The following TM9SF3 variants were observed in gnomAD, a reference collection of about 807,000 sequenced individuals.
The protein encoded by TM9SF3 is SM-11044-binding protein.
TM9SF3 carries 14 observed loss-of-function variants against 78.6 expected under a neutral mutation model. The ratio of observed to expected loss-of-function variants is 0.18; its 90% CI spans 0.12 to 0.28. The LOEUF is 0.28. TM9SF3 is among the 10% of genes least tolerant of loss of function. TM9SF3 has a pLI of 1.00. For synonymous variants in TM9SF3, 231 were observed against 241.7 expected (o/e 0.96, Z 0.41); for missense variants, 496 against 721.9 (o/e 0.69, Z 3.59).
At chr10:96,579,545 A>C (rs1006037824) in intron 1 of TM9SF3, among the ~76,000 whole-genome samples, 20 of 152,328 alleles carry the variant, frequency 1.3e-4, no homozygotes, top group Non-Finnish European at 1.8e-4. Flanking sequence ...TTCCGAAGTT[A>C]CTCATTTTAA....
At chr10:96,561,948 C>T (rs1207793995) in intron 4 of TM9SF3, 30 bp downstream of exon 4, 1 of 1,577,426 alleles carries the variant, frequency 6.3e-7, no homozygotes, top group Non-Finnish European at 8.6e-7. Flanking sequence ...ACAAACACTA[C>T]TTCCTACATT....
intron 2 of TM9SF3, among the ~76,000 whole-genome samples, chr10:96,566,706 CA>C (rs1045744579): frequency 6.6e-6 from 1 of 151,772 alleles, no homozygotes; most frequent in Admixed American, 6.6e-5. Flanking sequence ...CAAACAACAA[CA>C]AAAAAAACCC....
chr10:96,527,482 A>G lies in TM9SF3; in HGVS notation c.1556T>C (p.Phe519Ser). ...GATTGCAGTTGATGCAGCAGAGAGA[A>G]AACTTGTCCATTGCCTGGTGGGGGG... The part of the protein sequence containing the change: ...AEDYRWQWTS[F>S]LSAASTAIYV... Residue 519 changes from phenylalanine (F) to serine (S), a missense_variant, in exon 13 of 15, where the codon TTT becomes TCT. Physicochemically the swap from Phe to Ser is radical, Grantham distance 155 (BLOSUM62 -2). Transcript: ENST00000371142. 1 of 1,610,070 alleles carries G rather than the reference A, an allele frequency of 6.2e-7. No homozygotes were observed. The highest frequency in any genetic ancestry group is 1.3e-5 in the African/African-American group (1 of 74,896).
intron 2 of TM9SF3, among the ~76,000 whole-genome samples, chr10:96,571,278 T>A (rs1848434269): frequency 6.6e-6 from 1 of 152,074 alleles, no homozygotes; most frequent in Admixed American, 6.6e-5. Flanking sequence ...TGTACATAAA[T>A]GGGTTAGATG....
chr10:96,518,861 T>C lies in TM9SF3; in HGVS notation c.*3402A>G, dbSNP rs1339223307. 2 of 150,934 alleles carry C rather than the reference T, an allele frequency of 1.3e-5. No individual in the cohort carries two copies. The highest frequency in any genetic ancestry group is 3.0e-5 in the Non-Finnish European group (2 of 67,590). 9.3% of individuals were successfully genotyped at this position (150,934 alleles called of 1,614,324 possible). ...ACACCTTGATTGATAGTTTCATAAC[T>C]ATAGAATTTTAGTGAAGATATAAAA... On this transcript the variant is annotated 3_prime_UTR_variant, in exon 15 of 15. Coordinates refer to ENST00000371142, the MANE Select transcript of TM9SF3 (RefSeq NM_020123.4).
At position 96,576,818 on chromosome 10, in the gene TM9SF3, T is replaced by C; in HGVS notation, c.114A>G (p.Lys38=). 6.6e-7 allele frequency: 1 copy of C among 1,509,394 alleles called. No individual in the cohort carries two copies. Among genetic ancestry groups the C allele is most frequent in the Non-Finnish European group, 8.8e-7 (1 of 1,133,618 alleles). 93.5% of individuals were successfully genotyped at this position (1,509,394 alleles called of 1,614,324 possible). A position where few individuals can be genotyped will look rare whatever the true frequency, so the allele number is the denominator to read the frequency against. The part of the protein sequence containing the change: ...ADEHEHTYQD[K]EEVVLWMNTV... The stretch of plus-strand genomic sequence containing the variant: ...TATTCATCCATAAGACAACTTCCTC[T>C]TTATCTTGATACTGAAACAAGAAAA... Residue 38 remains lysine (K), a synonymous_variant, in exon 2 of 15, where the codon AAA becomes AAG. Transcript: ENST00000371142.
chr10:96,570,650 A>G (rs917522050), intron 2 of TM9SF3, among the ~76,000 whole-genome samples: 7 of 152,246 alleles, frequency 4.6e-5, no homozygotes, highest in African/African-American at 1.7e-4. Flanking sequence ...AACCACAAGT[A>G]TATTTCTTCT....
Position 96,559,848 on chromosome 10 carries a change from A to G in TM9SF3, c.583-112T>C. ...CACACACTTAGAATTAAAATTCACT[A>G]GAGAAATGGAGGAAAGTTACTTACA... On this transcript the variant is annotated intron_variant, in intron 4 of 14. Transcript: ENST00000371142. 4 of 589,470 alleles carry G rather than the reference A, an allele frequency of 6.8e-6. No homozygotes were observed. In the South Asian group the frequency reaches 1.1e-4, roughly 16 times the overall value. 36.5% of individuals were successfully genotyped at this position (589,470 alleles called of 1,614,324 possible).
intron 9 of TM9SF3, among the ~76,000 whole-genome samples, chr10:96,539,604 A>G (rs11188819): frequency 0.99 from 151,126 of 152,310 alleles, 74,986 homozygotes; most frequent in Middle Eastern, 1. Flanking sequence ...TTTATCTTGA[A>G]TGCGGTAATG....
At chr10:96,525,309 T>C (rs550899078) in intron 14 of TM9SF3, among the ~76,000 whole-genome samples, 1 of 152,100 alleles carries the variant, frequency 6.6e-6, no homozygotes, top group East Asian at 1.9e-4. Flanking sequence ...CCTCTCATCT[T>C]TCTCTCAAAG....
chr10:96,525,212 GA>G (rs963210487), intron 14 of TM9SF3, among the ~76,000 whole-genome samples: 8 of 151,958 alleles, frequency 5.3e-5, no homozygotes, highest in Non-Finnish European at 1.2e-4. Flanking sequence ...ATACTCTGAA[GA>G]AAGGATGGCA....
intron 2 of TM9SF3, among the ~76,000 whole-genome samples, chr10:96,567,414 C>T (rs1050411239): frequency 8.5e-5 from 13 of 152,128 alleles, no homozygotes; most frequent in African/African-American, 3.1e-4. Context: ...AAAGATTCCT[C>T]AGAGTCTGGA....
intron 9 of TM9SF3, among the ~76,000 whole-genome samples, chr10:96,533,753 TAGA>T (rs1381370022): frequency 6.6e-6 from 1 of 152,184 alleles, no homozygotes; most frequent in African/African-American, 2.4e-5. Flanking sequence ...GGAATCCTAA[TAGA>T]AGGAGATCGC....
At chr10:96,574,222 T>C (rs1848471609) in intron 2 of TM9SF3, among the ~76,000 whole-genome samples, 2 of 151,930 alleles carry the variant, frequency 1.3e-5, no homozygotes, top group Non-Finnish European at 2.9e-5. Flanking sequence ...TAAACAAATT[T>C]ACAAGAAAAA....
In TM9SF3 at chr10:96,565,457, A is replaced by G. The variant is rs201501315; in HGVS notation, c.299-31T>C. 1.4e-4 allele frequency: 217 copies of G among 1,521,158 alleles called. 1 individual carries two copies. In the Middle Eastern group the frequency reaches 3.1e-3, roughly 22 times the overall value. 94.2% of individuals were successfully genotyped at this position (1,521,158 alleles called of 1,614,324 possible). A position where few individuals can be genotyped will look rare whatever the true frequency, so the allele number is the denominator to read the frequency against. The stretch of plus-strand genomic sequence containing the variant: ...CAAAATAAAAATTGCAAATTAGCCC[A>G]CTAGTTTGCAAAATAGTTACATTAA... On this transcript the variant is annotated intron_variant, in intron 2 of 14. Coordinates refer to ENST00000371142, the MANE Select transcript of TM9SF3 (RefSeq NM_020123.4).
intron 1 of TM9SF3, among the ~76,000 whole-genome samples, chr10:96,578,232 A>G (rs1331408001): frequency 6.6e-6 from 1 of 152,238 alleles, no homozygotes; most frequent in Non-Finnish European, 1.5e-5. Flanking sequence ...GGAAATAACA[A>G]ATGATCTCAC....
chr10:96,562,778 A>T (rs1848324686), intron 3 of TM9SF3, among the ~76,000 whole-genome samples: 1 of 152,208 alleles, frequency 6.6e-6, no homozygotes, highest in Admixed American at 6.5e-5. Context: ...TGGAAAAAAA[A>T]GATCCACAAT....
chr10:96,569,922 C>T (rs1211031623), intron 2 of TM9SF3, among the ~76,000 whole-genome samples: 1 of 152,170 alleles, frequency 6.6e-6, no homozygotes, highest in African/African-American at 2.4e-5. Context: ...ATCCCAGCTA[C>T]CTGGGAGGCT....
intron 10 of TM9SF3, 88 bp downstream of exon 10, chr10:96,532,963 T>C: frequency 6.8e-7 from 1 of 1,468,926 alleles, no homozygotes; most frequent in Non-Finnish European, 9.3e-7. Flanking sequence ...CATAAATACA[T>C]ACCAATTCTA....
Sources: allele counts gnomAD v4.1 joint callset (sites outside exome capture counted in the v4.1 genomes callset), GRCh38; gene constraint gnomAD v4.1.1; transcripts MANE v1.5; gene names NCBI Gene and HGNC (gene_info 2026-07-23, HGNC 2026-07-21).